ZMIZ1: variants seen among roughly 807,000 people sequenced by gnomAD.
ZMIZ1 encodes the protein zinc finger MIZ domain-containing protein 1.
In ZMIZ1, 17 loss-of-function variants were observed where a neutral mutation model predicts 113.9. The observed-to-expected ratio is 0.15, with a 90% CI of 0.10 to 0.22. ZMIZ1 has a LOEUF of 0.22. ZMIZ1 is among the 10% of genes least tolerant of loss of function. ZMIZ1 has a pLI of 1.00. For synonymous variants in ZMIZ1, 607 were observed against 603.1 expected, an observed-to-expected ratio of 1.01 and a Z score of -0.09; for missense variants, 1,059 against 1,477.8, an observed-to-expected ratio of 0.72 and a Z score of 4.65.
At chr10:79,201,793 C>T (rs544295304) in intron 5 of ZMIZ1, 101 bp downstream of exon 5, 134 of 1,274,074 alleles carry the variant, frequency 1.1e-4, no homozygotes, top group Non-Finnish European at 1.4e-4. Flanking sequence ...GGCAGGGCCT[C>T]CTGACCACCT....
At chr10:79,160,194 C>T (rs1846054426) in intron 3 of ZMIZ1, among the ~76,000 whole-genome samples, 1 of 152,248 alleles carries the variant, frequency 6.6e-6, no homozygotes, top group Non-Finnish European at 1.5e-5. Flanking sequence ...GCCTCAGTTT[C>T]CTCCTCAGTG....
At chr10:79,119,287 G>A (rs541713205) in intron 2 of ZMIZ1, among the ~76,000 whole-genome samples, 1 of 152,300 alleles carries the variant, frequency 6.6e-6, no homozygotes, top group Non-Finnish European at 1.5e-5. Flanking sequence ...GCCTTGGGTA[G>A]CCCTTTCCTT....
intron 4 of ZMIZ1, among the ~76,000 whole-genome samples, chr10:79,168,993 G>A (rs1564695224): frequency 6.6e-6 from 1 of 152,194 alleles, no homozygotes; most frequent in Non-Finnish European, 1.5e-5. Context: ...GCTCCAGTTT[G>A]GGAAACAGCA....
Position 79,201,596 on chromosome 10 carries a change from T to C in ZMIZ1, c.-37T>C. The C allele has an allele frequency of 6.2e-7, 1 of 1,611,934 alleles. No homozygotes were observed. Among genetic ancestry groups the C allele is most frequent in the Non-Finnish European group, 8.5e-7 (1 of 1,178,860 alleles). On this transcript the variant is annotated 5_prime_UTR_variant, in exon 5 of 25. Coordinates refer to ENST00000334512, the MANE Select transcript of ZMIZ1 (RefSeq NM_020338.4). ...TTTCTCTTCGCAGGCTGGACAACGT[T>C]CATGGCTCTCGGGTAGAACCTAGTG...
At chr10:79,128,307 C>T (rs1009279814) in intron 2 of ZMIZ1, among the ~76,000 whole-genome samples, 1 of 152,202 alleles carries the variant, frequency 6.6e-6, no homozygotes, top group Admixed American at 6.5e-5. Flanking sequence ...GCACCATACT[C>T]GACCCAGACA....
At chr10:79,306,668 G>A (rs1322027397) in intron 22 of ZMIZ1, among the ~76,000 whole-genome samples, 1 of 152,104 alleles carries the variant, frequency 6.6e-6, no homozygotes, top group Non-Finnish European at 1.5e-5. Flanking sequence ...TGCCCTCCTA[G>A]GGACAGAGTC....
intron 2 of ZMIZ1, among the ~76,000 whole-genome samples, chr10:79,131,658 C>T (rs1273479827): frequency 6.6e-6 from 1 of 152,114 alleles, no homozygotes; most frequent in South Asian, 2.1e-4. Context: ...CTGCTTCTCC[C>T]CTGTGCTGTC....
intron 7 of ZMIZ1, among the ~76,000 whole-genome samples, chr10:79,261,571 G>A (rs1384196270): frequency 4.6e-5 from 7 of 152,202 alleles, no homozygotes; most frequent in Non-Finnish European, 2.9e-5. Context: ...TCCTAGAGCC[G>A]GCAGTGAGGC....
intron 7 of ZMIZ1, among the ~76,000 whole-genome samples, chr10:79,220,096 G>A (rs552761729): frequency 5.9e-5 from 9 of 152,264 alleles, no homozygotes; most frequent in African/African-American, 2.2e-4. Flanking sequence ...ACATGGCACC[G>A]GCGCCAGGCC....
chr10:79,071,069 C>T (rs1035702018), intron 1 of ZMIZ1, among the ~76,000 whole-genome samples: 7 of 152,322 alleles, frequency 4.6e-5, no homozygotes, highest in South Asian at 4.1e-4. Flanking sequence ...ATTTGGAGCC[C>T]TCTGGGTGGA....
chr10:79,149,647 A>G (rs1845631065), intron 3 of ZMIZ1, among the ~76,000 whole-genome samples: 2 of 152,158 alleles, frequency 1.3e-5, no homozygotes, highest in Admixed American at 1.3e-4. Flanking sequence ...CCTGTGGTTG[A>G]CATCACGTTG....
chr10:79,116,940 A>T (rs1318806580), intron 1 of ZMIZ1, among the ~76,000 whole-genome samples: 1 of 152,250 alleles, frequency 6.6e-6, no homozygotes, highest in Non-Finnish European at 1.5e-5. Flanking sequence ...ACCATTTATG[A>T]AACCTCACAA....
At chr10:79,140,643 A>G (rs947935282) in intron 3 of ZMIZ1, among the ~76,000 whole-genome samples, 4 of 151,632 alleles carry the variant, frequency 2.6e-5, no homozygotes, top group Non-Finnish European at 1.5e-5. Context: ...TCATCCCTCC[A>G]CCACCTATCC....
At chr10:79,206,841 T>TACATCTCTTTCTCTCCC (rs1428751076) in intron 5 of ZMIZ1, among the ~76,000 whole-genome samples, 3 of 152,238 alleles carry the variant, frequency 2.0e-5, no homozygotes, top group African/African-American at 4.8e-5. Context: ...CTTTCTCTCC[T>TACATCTCTTTCTCTCCC]ACATCTCTTT....
chr10:79,157,823 A>G (rs1833330189), intron 3 of ZMIZ1, among the ~76,000 whole-genome samples: 1 of 152,134 alleles, frequency 6.6e-6, no homozygotes, highest in African/African-American at 2.4e-5. Context: ...AGGGGAGGAC[A>G]GGGGCCTGTC....
At chr10:79,148,407 G>A (rs1011005070) in intron 3 of ZMIZ1, among the ~76,000 whole-genome samples, 1 of 152,202 alleles carries the variant, frequency 6.6e-6, no homozygotes, top group Non-Finnish European at 1.5e-5. Context: ...AGCCCACCAG[G>A]TGCCTGAGAC....
At chr10:79,102,008 G>T (rs1245091878) in intron 1 of ZMIZ1, among the ~76,000 whole-genome samples, 1 of 152,206 alleles carries the variant, frequency 6.6e-6, no homozygotes, top group Non-Finnish European at 1.5e-5. Flanking sequence ...TGGCACCAGG[G>T]ACCTCACGTG....
chr10:79,292,373 A>G lies in ZMIZ1; in HGVS notation c.957+17A>G, dbSNP rs1290759659. 6.3e-7 allele frequency: 1 copy of G among 1,594,160 alleles called. No homozygotes were observed. Among genetic ancestry groups the G allele is most frequent in the East Asian group, 2.3e-5 (1 of 44,296 alleles). On this transcript the variant is annotated intron_variant, in intron 11 of 24. Transcript: ENST00000334512. ...TATGGACCGGTAAGGGTTCCCACTA[A>G]TCCTGGTCCAGCCTTGCCCAGCCAG...
At chr10:79,208,935 G>C (rs1173343753) in intron 6 of ZMIZ1, among the ~76,000 whole-genome samples, 1 of 152,136 alleles carries the variant, frequency 6.6e-6, no homozygotes, top group Non-Finnish European at 1.5e-5. Flanking sequence ...TGATCCCTCT[G>C]CTAAGTCCAG....
Sources: allele counts gnomAD v4.1 joint callset (sites outside exome capture counted in the v4.1 genomes callset), GRCh38; gene constraint gnomAD v4.1.1; transcripts MANE v1.5; gene names NCBI Gene and HGNC (gene_info 2026-07-23, HGNC 2026-07-21).